Variants in NRP1 observed in about 807,000 individuals in gnomAD.
The protein encoded by NRP1 is neuropilin-1.
Under a neutral mutation model 106.7 loss-of-function variants are expected in NRP1, and 35 were observed. That is an observed-to-expected ratio of 0.33 (90% confidence interval 0.25 to 0.43). The LOEUF is 0.43. Ranked by LOEUF, NRP1 falls within the 20% of genes least tolerant of loss-of-function variation. NRP1 has a pLI of 1.00. For missense variants in NRP1, 1,024 were observed against 1,170.4 expected, an observed-to-expected ratio of 0.87 and a Z score of 1.83; for synonymous variants, 437 against 417.9, an observed-to-expected ratio of 1.05 and a Z score of -0.56.
At chr10:33,204,710 A>G (rs983917968) in intron 10 of NRP1, among the ~76,000 whole-genome samples, 30 of 152,020 alleles carry the variant, frequency 2.0e-4, no homozygotes, top group African/African-American at 6.0e-4. Context: ...TTGAAAATAT[A>G]TTATCTTCTA....
At chr10:33,181,735 A>C (rs751113336) in intron 16 of NRP1, among the ~76,000 whole-genome samples, 5 of 152,262 alleles carry the variant, frequency 3.3e-5, no homozygotes, top group Admixed American at 6.5e-5. Flanking sequence ...TATGCTACTT[A>C]AGTTTCAGTC....
intron 6 of NRP1, among the ~76,000 whole-genome samples, chr10:33,242,027 C>T (rs1402847023): frequency 2.0e-5 from 3 of 152,110 alleles, no homozygotes; most frequent in Non-Finnish European, 2.9e-5. Flanking sequence ...TCTGGAAGAA[C>T]AGCAACATTC....
chr10:33,295,549 C>G (rs1845327850), intron 2 of NRP1, among the ~76,000 whole-genome samples: 1 of 152,000 alleles, frequency 6.6e-6, no homozygotes, highest in Non-Finnish European at 1.5e-5. Flanking sequence ...CTCTACAAAA[C>G]AATTTTTAAG....
At chr10:33,253,298 C>T (rs925453921) in intron 6 of NRP1, among the ~76,000 whole-genome samples, 8 of 151,938 alleles carry the variant, frequency 5.3e-5, no homozygotes, top group African/African-American at 9.7e-5. Context: ...GTAGATTAGA[C>T]GGCTGGAAAA....
chr10:33,230,849 T>C (rs1840066189), intron 6 of NRP1, among the ~76,000 whole-genome samples: 1 of 152,188 alleles, frequency 6.6e-6, no homozygotes, highest in South Asian at 2.1e-4. Flanking sequence ...TGTTAATCTG[T>C]CTTTTGTCAG....
intron 2 of NRP1, among the ~76,000 whole-genome samples, chr10:33,303,526 A>C (rs1230815841): frequency 6.6e-6 from 1 of 152,176 alleles, no homozygotes; most frequent in African/African-American, 2.4e-5. Context: ...TTTCGTATTT[A>C]AACTCTACTT....
In NRP1 at chr10:33,226,288, A is replaced by G; in HGVS notation, c.983T>C (p.Val328Ala). The change falls in exon 7 of 17, where the codon GTA (valine) becomes GCA (alanine). Residue 328 changes from valine (V) to alanine (A), a missense_variant and splice_region_variant. Transcript: ENST00000374867. ...GEDSYREWIQ[V>A]DLGLLRFVTA... ...GACAAAGCGCAGAAGGCCCAAGTCTACCTGCAAGACAAGTACAAGCGTGGT... is the reference window on the plus strand; with the variant it reads ...GACAAAGCGCAGAAGGCCCAAGTCTGCCTGCAAGACAAGTACAAGCGTGGT... The G allele has an allele frequency of 6.2e-7, 1 of 1,614,076 alleles. No individual in the cohort carries two copies. Among genetic ancestry groups the G allele is most frequent in the Admixed American group, 1.7e-5 (1 of 60,016 alleles).
intron 2 of NRP1, among the ~76,000 whole-genome samples, chr10:33,277,134 A>T (rs1019305840): frequency 2.0e-5 from 3 of 151,992 alleles, no homozygotes; most frequent in East Asian, 1.9e-4. Flanking sequence ...AAGAAAAAAA[A>T]TTGCTCAATA....
chr10:33,328,266 T>C (rs1286779122), intron 2 of NRP1, among the ~76,000 whole-genome samples: 2 of 152,098 alleles, frequency 1.3e-5, no homozygotes, highest in African/African-American at 4.8e-5. Context: ...CACCATGATA[T>C]GACAAATCAT....
At chr10:33,243,144 A>C (rs1234062519) in intron 6 of NRP1, among the ~76,000 whole-genome samples, 1 of 152,138 alleles carries the variant, frequency 6.6e-6, no homozygotes, top group Non-Finnish European at 1.5e-5. Context: ...AGCACCAAGG[A>C]AAAAGGCCCC....
intron 6 of NRP1, among the ~76,000 whole-genome samples, chr10:33,251,983 T>G (rs962735020): frequency 5.3e-5 from 8 of 152,070 alleles, no homozygotes; most frequent in Non-Finnish European, 1.2e-4. Context: ...TACTCCTGCT[T>G]TCCCGCCTAA....
At chr10:33,232,300 C>T (rs1362537759) in intron 6 of NRP1, among the ~76,000 whole-genome samples, 1 of 152,166 alleles carries the variant, frequency 6.6e-6, no homozygotes, top group Non-Finnish European at 1.5e-5. Context: ...CCTGCTTTCC[C>T]TCAACCCAAT....
At chr10:33,273,679 C>T (rs528240568) in intron 2 of NRP1, among the ~76,000 whole-genome samples, 1 of 152,336 alleles carries the variant, frequency 6.6e-6, no homozygotes, top group South Asian at 2.1e-4. Flanking sequence ...CTGTTTGGCT[C>T]TCATTCACTC....
At chr10:33,207,351 G>A (rs755025167) in intron 10 of NRP1, among the ~76,000 whole-genome samples, 5 of 150,778 alleles carry the variant, frequency 3.3e-5, no homozygotes, top group South Asian at 2.1e-4. Context: ...CATATAATCC[G>A]AGGAGAGTCA....
At chr10:33,249,162 C>T (rs1380689960) in intron 6 of NRP1, among the ~76,000 whole-genome samples, 4 of 141,852 alleles carry the variant, frequency 2.8e-5, no homozygotes, top group Non-Finnish European at 4.5e-5. Flanking sequence ...GGAAAGCACT[C>T]CCAAGAGCTT....
Position 33,221,273 on chromosome 10 carries a change from T to C in NRP1, c.1282+446A>G, listed in dbSNP as rs145514099. Among the ~76,000 whole-genome samples, 513 of 152,308 alleles carry C rather than the reference T, an allele frequency of 3.4e-3. 6 individuals are homozygous for C. The highest frequency in any genetic ancestry group is 0.011 in the African/African-American group (464 of 41,572). ...GAATCTTTCATGCAACAGTTACTTA[T>C]TGTAAATCTACTAAGTAGTAGTCAG... On this transcript the variant is annotated intron_variant, in intron 8 of 16. Transcript: ENST00000374867.
intron 6 of NRP1, among the ~76,000 whole-genome samples, chr10:33,234,346 T>G (rs971238140): frequency 3.3e-5 from 5 of 152,204 alleles, no homozygotes; most frequent in Non-Finnish European, 7.3e-5. Flanking sequence ...GTGGCCCGTG[T>G]ATGAGCTGCT....
chr10:33,234,186 T>G (rs1239677761), intron 6 of NRP1, among the ~76,000 whole-genome samples: 1 of 152,110 alleles, frequency 6.6e-6, no homozygotes, highest in Non-Finnish European at 1.5e-5. Flanking sequence ...AGGGTTAAAT[T>G]TATGTACAGT....
Position 33,213,624 on chromosome 10 carries a change from G to A in NRP1, c.1376C>T (p.Pro459Leu). The A allele has an allele frequency of 1.2e-6, 2 of 1,614,116 alleles. No individual in the cohort carries two copies. The highest frequency in any genetic ancestry group is 8.5e-7 in the Non-Finnish European group (1 of 1,180,024). Reference protein sequence around the residue: ...SSNQGDRNWMPENIRLVTSRS... With the variant: ...SSNQGDRNWMLENIRLVTSRS... The stretch of plus-strand genomic sequence containing the variant: ...ACTGGTTACCAGGCGGATGTTTTCA[G>A]GCATCCAGTTTCTGTCCCCTTGGTT... Residue 459 changes from proline to leucine, a missense_variant, in exon 9 of 17, where the codon CCT (proline) becomes CTT (leucine). By Grantham distance (98) the Pro-to-Leu change is moderately conservative (BLOSUM62 -3). Transcript: ENST00000374867.
Sources: gnomAD v4.1 joint callset for allele counts (sites outside exome capture counted in the v4.1 genomes callset) on GRCh38, gnomAD v4.1.1 for gene constraint, MANE v1.5 for transcripts, NCBI Gene and HGNC (gene_info 2026-07-23, HGNC 2026-07-21) for gene names.